Variants in MYPN observed in about 807,000 individuals in gnomAD.
MYPN encodes the protein myopalladin.
Under a neutral mutation model 129.4 loss-of-function variants are expected in MYPN, and 63 were observed. The observed-to-expected ratio is 0.49, with a 90% CI of 0.40 to 0.60. The LOEUF (loss-of-function observed/expected upper bound fraction) is 0.60. Ranked by LOEUF, MYPN falls within the 20% of genes least tolerant of loss-of-function variation. The pLI, the probability that MYPN is intolerant of heterozygous loss-of-function variation, is 0.00. For synonymous variants in MYPN, 629 were observed against 600.9 expected (o/e 1.05, Z -0.68); for missense variants, 1,596 against 1,635.4 (o/e 0.98, Z 0.42).
At position 68,155,053 on chromosome 10, in the gene MYPN, C is replaced by T. The variant is rs547695399; in HGVS notation, c.1318-3433C>T. 3.0e-3 allele frequency among the ~76,000 whole-genome samples: 464 copies of T among 152,154 alleles called. 2 individuals are homozygous for T. The highest frequency in any genetic ancestry group is 4.9e-3 in the Non-Finnish European group (335 of 67,982). ...AAAATTAGCCGGGCATGGTGGCACT[C>T]GCCTGTGGTCCCAGCTACTTGGGAG... On this transcript the variant is annotated intron_variant, in intron 6 of 19. Transcript: ENST00000358913.
At chr10:68,165,162 C>G (rs2043033338) in intron 8 of MYPN, among the ~76,000 whole-genome samples, 1 of 152,174 alleles carries the variant, frequency 6.6e-6, no homozygotes, top group Non-Finnish European at 1.5e-5. Context: ...TTACAAAATC[C>G]CCTTGTCAGG....
intron 4 of MYPN, among the ~76,000 whole-genome samples, chr10:68,145,846 A>T (rs1409837357): frequency 1.3e-5 from 2 of 152,160 alleles, no homozygotes; most frequent in Non-Finnish European, 2.9e-5. Context: ...GCAGATACGA[A>T]CATTCATAAC....
chr10:68,202,042 T>C, intron 18 of MYPN, 48 bp downstream of exon 18: 1 of 1,601,950 alleles, frequency 6.2e-7, no homozygotes, highest in Non-Finnish European at 8.5e-7. Flanking sequence ...CAGTGGGGCT[T>C]GTTGCGCCAC....
intron 12 of MYPN, among the ~76,000 whole-genome samples, chr10:68,184,019 T>C (rs879057213): frequency 6.6e-6 from 1 of 152,090 alleles, no homozygotes; most frequent in Admixed American, 6.6e-5. Context: ...GAGAACCCTG[T>C]CTCAAAAAGA....
At position 68,189,022 on chromosome 10, in the gene MYPN, A is replaced by G; in HGVS notation, c.2821A>G (p.Lys941Glu). ...TCAACATGATGAGATCCCCACGGGC[A>G]AGTGTATTGCTCCCATCTTTGACAA... ...EIQHDEIPTG[K>E]CIAPIFDKRL... The change falls in exon 13 of 20, where the codon AAG (lysine) becomes GAG (glutamate). Residue 941 changes from lysine (K) to glutamate (E), a missense_variant. By Grantham distance (56) the Lys-to-Glu change is moderately conservative (BLOSUM62 1). Coordinates refer to ENST00000358913, the MANE Select transcript of MYPN (RefSeq NM_032578.4). 6.2e-7 allele frequency: 1 copy of G among 1,614,166 alleles called. No individual in the cohort carries two copies. Among genetic ancestry groups the G allele is most frequent in the Non-Finnish European group, 8.5e-7 (1 of 1,180,014 alleles).
chr10:68,091,153 G>A (rs1255512239), intron 1 of MYPN, among the ~76,000 whole-genome samples: 3 of 151,980 alleles, frequency 2.0e-5, no homozygotes, highest in Non-Finnish European at 4.4e-5. Context: ...ATGCTGCTGG[G>A]TAGGCATGGA....
At chr10:68,091,323 T>C (rs960939598) in intron 1 of MYPN, among the ~76,000 whole-genome samples, 1 of 151,568 alleles carries the variant, frequency 6.6e-6, no homozygotes, top group Non-Finnish European at 1.5e-5. Context: ...TCTTAAGATA[T>C]AGATATATGC....
chr10:68,137,536 C>T (rs1334271862), intron 2 of MYPN, among the ~76,000 whole-genome samples: 2 of 152,172 alleles, frequency 1.3e-5, no homozygotes, highest in Non-Finnish European at 2.9e-5. Flanking sequence ...TGGATAATAT[C>T]ACGCATTGGT....
At chr10:68,133,019 C>CA (rs1186111414) in intron 2 of MYPN, among the ~76,000 whole-genome samples, 116 of 133,258 alleles carry the variant, frequency 8.7e-4, no homozygotes, top group African/African-American at 2.4e-3. Context: ...GTGTAGACCT[C>CA]AATTTTTTTT....
chr10:68,134,188 T>A (rs896814887), intron 2 of MYPN, among the ~76,000 whole-genome samples: 1 of 152,160 alleles, frequency 6.6e-6, no homozygotes, highest in African/African-American at 2.4e-5. Flanking sequence ...CATTCAGCAC[T>A]CCCTACTAGT....
intron 12 of MYPN, among the ~76,000 whole-genome samples, chr10:68,179,933 A>G (rs753074264): frequency 3.3e-5 from 5 of 152,222 alleles, no homozygotes; most frequent in Non-Finnish European, 5.9e-5. Flanking sequence ...ATTTAAGTAT[A>G]AAGTAAATCT....
intron 1 of MYPN, among the ~76,000 whole-genome samples, chr10:68,119,066 T>C (rs2042201444): frequency 6.6e-6 from 1 of 152,144 alleles, no homozygotes; most frequent in Non-Finnish European, 1.5e-5. Flanking sequence ...GAGTTACAAA[T>C]GAGGATTTTC....
intron 7 of MYPN, 94 bp downstream of exon 7, chr10:68,158,721 A>G (rs964718938): frequency 1.1e-6 from 1 of 927,066 alleles, no homozygotes; most frequent in South Asian, 1.6e-5. Flanking sequence ...CTAATTAAAA[A>G]TATAGTCAAA....
At chr10:68,143,750 T>C (rs568997163) in intron 3 of MYPN, among the ~76,000 whole-genome samples, 5 of 152,052 alleles carry the variant, frequency 3.3e-5, no homozygotes, top group African/African-American at 1.2e-4. Context: ...GTTTTTTGTT[T>C]TGTTTTGTTT....
intron 1 of MYPN, 111 bp from the exon 2 acceptor site, chr10:68,121,327 A>T (rs2042237982): frequency 1.1e-6 from 1 of 914,570 alleles, no homozygotes; most frequent in African/African-American, 1.7e-5. Flanking sequence ...AAATTAGGCA[A>T]TTCTTTATTT....
rs973155186 is a variant in MYPN, at chr10:68,148,619, G to A, written c.1245+152G>A. Reference sequence around the variant, plus strand: ...GTATTTCTGATGTTTGAGAGCAGTGGTTCCTGTTGCTTTGGGAACATATTC... The same window carrying A: ...GTATTTCTGATGTTTGAGAGCAGTGATTCCTGTTGCTTTGGGAACATATTC... On this transcript the variant is annotated intron_variant, in intron 5 of 19. Coordinates refer to ENST00000358913, the MANE Select transcript of MYPN (RefSeq NM_032578.4). 5.2e-5 allele frequency: 39 copies of A among 743,142 alleles called. No homozygotes were observed. In the Middle Eastern group the frequency reaches 7.0e-4, roughly 13 times the overall value. 46.0% of individuals were successfully genotyped at this position (743,142 alleles called of 1,614,324 possible). A position where few individuals can be genotyped will look rare whatever the true frequency, so the allele number is the denominator to read the frequency against.
chr10:68,168,098 G>A (rs2043082253), intron 10 of MYPN, among the ~76,000 whole-genome samples: 1 of 152,170 alleles, frequency 6.6e-6, no homozygotes. Flanking sequence ...AGACCCATCA[G>A]CTCATAAGTG....
intron 18 of MYPN, among the ~76,000 whole-genome samples, chr10:68,203,538 A>T (rs1263106305): frequency 6.6e-6 from 1 of 152,090 alleles, no homozygotes; most frequent in Non-Finnish European, 1.5e-5. Context: ...GCAGTGAGCC[A>T]TGATCATGCC....
intron 10 of MYPN, among the ~76,000 whole-genome samples, chr10:68,169,362 TAAAA>T (rs34539408): frequency 7.9e-6 from 1 of 127,182 alleles, no homozygotes; most frequent in Admixed American, 7.9e-5. Context: ...CGTCTCAAAT[TAAAA>T]AAAAAAAAAA....
Sources: allele counts gnomAD v4.1 joint callset (sites outside exome capture counted in the v4.1 genomes callset), GRCh38; gene constraint gnomAD v4.1.1; transcripts MANE v1.5; gene names NCBI Gene and HGNC (gene_info 2026-07-23, HGNC 2026-07-21).